Variants in SIK3 observed in about 807,000 individuals in gnomAD.
SIK3 encodes serine/threonine-protein kinase SIK3.
SIK3 carries 28 observed loss-of-function variants against 144.2 expected under a neutral mutation model. The ratio of observed to expected loss-of-function variants is 0.19; its 90% CI spans 0.14 to 0.27. The LOEUF is 0.27. Among genes scored for constraint, SIK3 ranks in the 10% least tolerant of loss-of-function variants. SIK3 has a pLI of 1.00. For missense variants in SIK3, 1,319 were observed against 1,776.0 expected (o/e 0.74, Z 4.62); for synonymous variants, 686 against 676.3 (o/e 1.01, Z -0.22).
At chr11:116,952,341 G>T (rs1430697328) in intron 3 of SIK3, among the ~76,000 whole-genome samples, 1 of 152,176 alleles carries the variant, frequency 6.6e-6, no homozygotes, top group African/African-American at 2.4e-5. Flanking sequence ...GTTCGAGGCT[G>T]CAGTGAGCTA....
chr11:116,923,914 G>A (rs1199361641), intron 4 of SIK3, among the ~76,000 whole-genome samples: 1 of 152,186 alleles, frequency 6.6e-6, no homozygotes, highest in East Asian at 1.9e-4. Context: ...TATTTCAGTA[G>A]AGTTTCCAAC....
At chr11:116,882,109 C>T (rs1420337046) in intron 6 of SIK3, among the ~76,000 whole-genome samples, 1 of 152,094 alleles carries the variant, frequency 6.6e-6, no homozygotes, top group Non-Finnish European at 1.5e-5. Flanking sequence ...CAGGTTCCAT[C>T]ATGACAGAAT....
intron 21 of SIK3, among the ~76,000 whole-genome samples, chr11:116,850,247 ATT>A (rs1942322409): frequency 6.6e-6 from 1 of 152,174 alleles, no homozygotes; most frequent in Admixed American, 6.5e-5. Context: ...TCTGTAGTCC[ATT>A]CACTTTCATT....
intron 4 of SIK3, among the ~76,000 whole-genome samples, chr11:116,911,917 TA>T: frequency 6.6e-6 from 1 of 152,282 alleles, no homozygotes; most frequent in African/African-American, 2.4e-5. Context: ...ATGAATATTC[TA>T]AAGAGTTACG....
chr11:116,967,010 A>AAAAAAAAAAAG (rs1174143012), intron 1 of SIK3, among the ~76,000 whole-genome samples: 13 of 142,698 alleles, frequency 9.1e-5, no homozygotes, highest in African/African-American at 2.9e-4. Context: ...TTTCAAAAAA[A>AAAAAAAAAAAG]AAAAGAAAAA....
At chr11:116,911,764 C>A (rs1215889628) in intron 4 of SIK3, among the ~76,000 whole-genome samples, 1 of 152,122 alleles carries the variant, frequency 6.6e-6, no homozygotes, top group African/African-American at 2.4e-5. Flanking sequence ...AAGACATCAT[C>A]TTGAACAATA....
chr11:116,988,516 C>T (rs1186867063), intron 1 of SIK3, among the ~76,000 whole-genome samples: 3 of 151,938 alleles, frequency 2.0e-5, no homozygotes, highest in African/African-American at 4.8e-5. Context: ...CAGTGGTGCT[C>T]ACACCTATAA....
intron 3 of SIK3, among the ~76,000 whole-genome samples, chr11:116,930,944 C>T (rs1947571274): frequency 6.6e-6 from 1 of 151,896 alleles, no homozygotes; most frequent in Non-Finnish European, 1.5e-5. Context: ...AAACATGTAC[C>T]CAGACAGGGA....
At chr11:117,093,397 G>A (rs1030549410) in intron 1 of SIK3, among the ~76,000 whole-genome samples, 2 of 152,204 alleles carry the variant, frequency 1.3e-5, no homozygotes, top group African/African-American at 2.4e-5. Context: ...TCTTCTCTGT[G>A]TAATATTTAA....
At chr11:116,879,108 G>C (rs2134593869) in intron 6 of SIK3, among the ~76,000 whole-genome samples, 1 of 152,310 alleles carries the variant, frequency 6.6e-6, no homozygotes, top group Admixed American at 6.5e-5. Flanking sequence ...CTTAGGAGCT[G>C]CATAAATATC....
At position 116,875,362 on chromosome 11, in the gene SIK3, G is replaced by T; in HGVS notation, c.1317+12C>A. 1 of 1,614,134 alleles carries T rather than the reference G, an allele frequency of 6.2e-7. No homozygotes were observed. On this transcript the variant is annotated intron_variant, in intron 10 of 24. Transcript: ENST00000445177. Reference sequence around the variant, plus strand: ...TGGTTTCAGCTGACAGCTCCCACAGGTTGCTACTTGCCTCCACAATTTGGT... The same window carrying T: ...TGGTTTCAGCTGACAGCTCCCACAGTTTGCTACTTGCCTCCACAATTTGGT...
chr11:116,922,907 CTTTTTTTTTTTTTTTTT>C (rs202058609), intron 4 of SIK3, among the ~76,000 whole-genome samples: 1 of 102,174 alleles, frequency 9.8e-6, no homozygotes, highest in African/African-American at 3.5e-5. Context: ...TTTCTTTTCT[CTTTTTTTTTTTTTTTTT>C]TTTTTTTTTT....
At chr11:117,083,687 G>A (rs1211960515) in intron 1 of SIK3, among the ~76,000 whole-genome samples, 1 of 152,228 alleles carries the variant, frequency 6.6e-6, no homozygotes, top group East Asian at 1.9e-4. Context: ...CAGAAAGAGA[G>A]AAGAAATCCT....
chr11:116,914,119 T>A (rs976359448), intron 4 of SIK3, among the ~76,000 whole-genome samples: 1 of 151,614 alleles, frequency 6.6e-6, no homozygotes. Context: ...AAAAAAAAAC[T>A]TCAAATGAGA....
intron 3 of SIK3, among the ~76,000 whole-genome samples, chr11:116,942,129 A>G (rs1029536372): frequency 2.6e-5 from 4 of 152,212 alleles, no homozygotes; most frequent in African/African-American, 9.6e-5. Context: ...TGCTTTCCCC[A>G]TGTCAAAAAC....
chr11:117,015,855 C>T (rs1951502219), intron 1 of SIK3: 1 of 152,226 alleles, frequency 6.6e-6, no homozygotes, highest in Non-Finnish European at 1.5e-5. Context: ...AAGCGTGAGC[C>T]ACCGTGCCCA....
chr11:116,960,098 T>A (rs1949285736), intron 1 of SIK3, among the ~76,000 whole-genome samples: 1 of 152,218 alleles, frequency 6.6e-6, no homozygotes, highest in African/African-American at 2.4e-5. Context: ...ACAAATGTAC[T>A]TCATCTTTTC....
At position 116,927,871 on chromosome 11, in the gene SIK3, T is replaced by G. The variant is rs1462760466; in HGVS notation, c.455-491A>C. On this transcript the variant is annotated intron_variant, in intron 3 of 24. Transcript: ENST00000445177. ...AAAACTCCTCGACAGAGCACTCTGT[T>G]TAGGTTACTATCTTTCTGCTTTCTC... Among the ~76,000 whole-genome samples, 4 of 152,362 alleles carry G rather than the reference T, an allele frequency of 2.6e-5. No homozygotes were observed. The East Asian group carries it at 7.7e-4, about 29-fold the overall frequency.
chr11:117,085,279 G>A (rs565290687), intron 1 of SIK3, among the ~76,000 whole-genome samples: 12 of 151,970 alleles, frequency 7.9e-5, no homozygotes, highest in Admixed American at 3.9e-4. Context: ...ACCATCCACC[G>A]CTCACTTATT....
Sources: allele counts gnomAD v4.1 joint callset (sites outside exome capture counted in the v4.1 genomes callset), GRCh38; gene constraint gnomAD v4.1.1; transcripts MANE v1.5; gene names NCBI Gene and HGNC (gene_info 2026-07-23, HGNC 2026-07-21).